The following ACOX3 variants were observed in gnomAD, a reference collection of about 807,000 sequenced individuals.
ACOX3 encodes peroxisomal acyl-coenzyme A oxidase 3.
ACOX3 carries 73 observed loss-of-function variants against 81.5 expected under a neutral mutation model. The observed-to-expected ratio is 0.90, with a 90% confidence interval of 0.74 to 1.09. The LOEUF is 1.09. Ranked by LOEUF, ACOX3 falls within the 50% of genes least tolerant of loss-of-function variation. The pLI is 0.00. For missense variants in ACOX3, 947 were observed against 928.0 expected (o/e 1.02, Z -0.27); for synonymous variants, 387 against 375.1 (o/e 1.03, Z -0.37).
Position 8,389,157 on chromosome 4 carries a change from C to A in ACOX3, c.1537+16G>T, listed in dbSNP as rs1273148329. The A allele has an allele frequency of 6.2e-7, 1 of 1,604,442 alleles. No homozygotes were observed. ...GAAATCAGGAGGCCAGGGGAGCCCT[C>A]CACCTGTGTGTTTACCTGCAGAGTC... On this transcript the variant is annotated intron_variant, in intron 13 of 17. Coordinates refer to ENST00000356406, the MANE Select transcript of ACOX3 (RefSeq NM_003501.3). This position sits in a 1 kb window ranked among gnomAD's most constrained non-coding sequence, Gnocchi z 5.3.
Position 8,381,699 on chromosome 4 carries a change from C to A in ACOX3, c.1538-92G>T. ...CCCAGGGACAAGGCACTGCCAGCAT[C>A]CTGCAGGTACCAGGTTGTCTTCATT... is the stretch of plus-strand genomic sequence containing the variant. On this transcript the variant is annotated intron_variant, in intron 13 of 17. Transcript: ENST00000356406. The surrounding 1 kb of genome is among the most constrained non-coding windows in gnomAD (Gnocchi z 4.3). 2.2e-6 allele frequency: 2 copies of A among 905,420 alleles called. No individual in the cohort carries two copies. Among genetic ancestry groups the A allele is most frequent in the East Asian group, 2.5e-5 (1 of 40,300 alleles). 56.1% of individuals were successfully genotyped at this position (905,420 alleles called of 1,614,324 possible). A position where few individuals can be genotyped will look rare whatever the true frequency, so the allele number is the denominator to read the frequency against.
chr4:8,429,919 A>AG (rs1560209083), intron 1 of ACOX3, among the ~76,000 whole-genome samples: 1 of 152,184 alleles, frequency 6.6e-6, no homozygotes, highest in Non-Finnish European at 1.5e-5. Context: ...TTAAAAAAAA[A>AG]AAAGTGAAAA....
rs1397433892 is a variant in ACOX3 at position 8,405,609 on chromosome 4, G to T, written c.776+346C>A. On this transcript the variant is annotated intron_variant, in intron 7 of 17. Transcript: ENST00000356406. This position sits in a 1 kb window ranked among gnomAD's most constrained non-coding sequence, Gnocchi z 7.1. ...CATGGATGTGTGCAGAGGCCGAGCC[G>T]GGGGAGGCTCAGGATGCTGAGGAGG... Among the ~76,000 whole-genome samples, 1 of 152,208 alleles carries T rather than the reference G, an allele frequency of 6.6e-6. No individual in the cohort carries two copies. The highest frequency in any genetic ancestry group is 1.9e-4 in the East Asian group (1 of 5,194).
chr4:8,359,598 G>A, the ACOX3 span, among the ~76,000 whole-genome samples: 2 of 152,180 alleles, frequency 1.3e-5, no homozygotes, highest in South Asian at 2.1e-4. This position sits in a 1 kb window ranked among gnomAD's most constrained non-coding sequence, Gnocchi z 6.0. Flanking sequence ...AATTAGCCAC[G>A]TACAGGATTG....
At chr4:8,428,544 C>T (rs1208379874) in intron 1 of ACOX3, 1 of 152,294 alleles carries the variant, frequency 6.6e-6, no homozygotes, top group Non-Finnish European at 1.5e-5. Context: ...CCTCGTTGCC[C>T]TGGAAACGCG....
At chr4:8,420,826 C>T (rs1722862278) in intron 1 of ACOX3, among the ~76,000 whole-genome samples, 1 of 152,218 alleles carries the variant, frequency 6.6e-6, no homozygotes, top group Non-Finnish European at 1.5e-5. Flanking sequence ...CACTGAGCTT[C>T]TGATCCAGTG....
Position 8,375,167 on chromosome 4 carries a change from G to A in ACOX3, c.1654-15C>T, listed in dbSNP as rs1462504053. The A allele has an allele frequency of 2.0e-5, 31 of 1,520,508 alleles. No individual in the cohort carries two copies. Among genetic ancestry groups the A allele is most frequent in the South Asian group, 9.7e-5 (8 of 82,706 alleles). The allele number at this position is 1,520,508 out of a possible 1,614,324, so 94.2% of individuals were successfully genotyped here. ...CCGTGGGACACCTGGAACACAGGAC[G>A]GCACCGTGAGGACCGTGAGGGTCCC... On this transcript the variant is annotated splice_polypyrimidine_tract_variant and intron_variant, in intron 14 of 17. Coordinates refer to ENST00000356406, the MANE Select transcript of ACOX3 (RefSeq NM_003501.3).
In ACOX3 at chr4:8,432,535, A is replaced by ATT. The variant is rs905741422; in HGVS notation, c.-15+8111_-15+8112dup. 4.8e-4 allele frequency among the ~76,000 whole-genome samples: 71 copies of ATT among 148,644 alleles called. No homozygotes were observed. Among genetic ancestry groups the ATT allele is most frequent in the African/African-American group, 1.7e-3 (69 of 40,694 alleles). On this transcript the variant is annotated intron_variant, in intron 1 of 17. Transcript: ENST00000356406. The surrounding 1 kb of genome is among the most constrained non-coding windows in gnomAD (Gnocchi z 6.2). The stretch of plus-strand genomic sequence containing the variant: ...GGCGTGAGCCACCGCGCCCGGCCTG[A>ATT]TTTTTTTTTTTAATTATAAACCCAA...
intron 1 of ACOX3, among the ~76,000 whole-genome samples, chr4:8,439,801 C>T (rs1479156079): frequency 1.3e-5 from 2 of 152,132 alleles, no homozygotes; most frequent in African/African-American, 2.4e-5. Context: ...AAAATAAAAG[C>T]GAGAACTCCC....
chr4:8,408,919 G>T (rs1721369289), intron 6 of ACOX3, among the ~76,000 whole-genome samples: 4 of 119,522 alleles, frequency 3.3e-5, no homozygotes, highest in Non-Finnish European at 5.1e-5. Flanking sequence ...GGGGGGTGGG[G>T]GCGGTCTGAG....
intron 9 of ACOX3, among the ~76,000 whole-genome samples, chr4:8,395,840 A>C (rs905405880): frequency 6.6e-6 from 1 of 152,232 alleles, no homozygotes; most frequent in African/African-American, 2.4e-5. Context: ...GACAGAAACA[A>C]CTGCAATTCT....
At position 8,422,065 on chromosome 4, in the gene ACOX3, G is replaced by C. The variant is rs73211332; in HGVS notation, c.-14-5530C>G. 6.0e-3 allele frequency among the ~76,000 whole-genome samples: 909 copies of C among 152,254 alleles called. 3 individuals are homozygous for C. The highest frequency in any genetic ancestry group is 9.2e-3 in the Non-Finnish European group (624 of 68,024). On this transcript the variant is annotated intron_variant, in intron 1 of 17. Coordinates refer to ENST00000356406, the MANE Select transcript of ACOX3 (RefSeq NM_003501.3). Reference sequence around the variant, plus strand: ...GCGCATATTCCTATAGAGGCAAATGGGGGCAACGAGCGAACATTCTTCCGC... The same window carrying C: ...GCGCATATTCCTATAGAGGCAAATGCGGGCAACGAGCGAACATTCTTCCGC...
chr4:8,363,044 T>C (rs1222929370), downstream of ACOX3, among the ~76,000 whole-genome samples: 1 of 152,244 alleles, frequency 6.6e-6, no homozygotes, highest in Non-Finnish European at 1.5e-5. Context: ...TCTAGTTTCA[T>C]TGTTGTTTTT....
chr4:8,425,299 G>T (rs1418490395), intron 1 of ACOX3, among the ~76,000 whole-genome samples: 1 of 151,870 alleles, frequency 6.6e-6, no homozygotes, highest in Non-Finnish European at 1.5e-5. Flanking sequence ...CCTAGTATGG[G>T]GTAATCCCCT....
intron 14 of ACOX3, among the ~76,000 whole-genome samples, chr4:8,376,273 C>A (rs961784550): frequency 2.0e-5 from 3 of 152,008 alleles, no homozygotes; most frequent in Non-Finnish European, 2.9e-5. Context: ...TATCATCTTA[C>A]CAGATTTTTT....
chr4:8,361,425 CAAAAAAAAAAAA>C (rs56251372), downstream of ACOX3, among the ~76,000 whole-genome samples: 9 of 39,036 alleles, frequency 2.3e-4, no homozygotes, highest in South Asian at 1.3e-3. Context: ...GACTCTATCT[CAAAAAAAAAAAA>C]AAAAAAAAAA....
Position 8,373,722 on chromosome 4 carries a change from T to C in ACOX3, c.1829-94A>G, listed in dbSNP as rs1268763500. 3 of 1,176,308 alleles carry C rather than the reference T, an allele frequency of 2.6e-6. No individual in the cohort carries two copies. The African/African-American group carries it at 4.6e-5, about 18-fold the overall frequency. The allele number at this position is 1,176,308 out of a possible 1,614,324, so 72.9% of individuals were successfully genotyped here. On this transcript the variant is annotated intron_variant, in intron 15 of 17. Transcript: ENST00000356406. Reference sequence around the variant, plus strand: ...CTGAGTGCACTTTCCAAATCGGCCATATAGGAGGCCTGTTTTGGGTGAACA... The same window carrying C: ...CTGAGTGCACTTTCCAAATCGGCCACATAGGAGGCCTGTTTTGGGTGAACA...
intron 3 of ACOX3, among the ~76,000 whole-genome samples, chr4:8,415,137 G>C (rs937824087): frequency 2.6e-5 from 4 of 152,210 alleles, no homozygotes; most frequent in Admixed American, 6.5e-5. Flanking sequence ...CAGCTGCCCC[G>C]GGTCCCTGAG....
Position 8,389,376 on chromosome 4 carries a change from T to A in ACOX3, c.1424-90A>T. 3 of 1,383,880 alleles carry A rather than the reference T, an allele frequency of 2.2e-6. No homozygotes were observed. The allele number at this position is 1,383,880 out of a possible 1,614,324, so 85.7% of individuals were successfully genotyped here. A position where few individuals can be genotyped will look rare whatever the true frequency, so the allele number is the denominator to read the frequency against. ...TGGGGGCACCCCAAAGCACAGAGAG[T>A]GTCCAGAGGACCCGACGGCCACAGA... is the stretch of plus-strand genomic sequence containing the variant. On this transcript the variant is annotated intron_variant, in intron 12 of 17. Coordinates refer to ENST00000356406, the MANE Select transcript of ACOX3 (RefSeq NM_003501.3). The surrounding 1 kb of genome is among the most constrained non-coding windows in gnomAD (Gnocchi z 5.3).
Sources: allele counts gnomAD v4.1 joint callset (sites outside exome capture counted in the v4.1 genomes callset), GRCh38; gene constraint gnomAD v4.1.1; non-coding constraint Gnocchi (gnomAD v3.1); transcripts MANE v1.5; gene names NCBI Gene and HGNC (gene_info 2026-07-23, HGNC 2026-07-21).